The following ABTB3 variants were observed in gnomAD, a reference collection of about 807,000 sequenced individuals.
The protein encoded by ABTB3 is ankyrin repeat- and BTB/POZ domain-containing protein 3.
chr12:107,636,352 G>T, the ABTB3 span, among the ~76,000 whole-genome samples: 6 of 152,110 alleles, frequency 3.9e-5, no homozygotes, highest in Admixed American at 6.6e-5. Flanking sequence ...GCTACCTGGA[G>T]ATTTATCAGA....
chr12:107,553,157 C>T, the ABTB3 span, among the ~76,000 whole-genome samples: 1 of 152,188 alleles, frequency 6.6e-6, no homozygotes, highest in African/African-American at 2.4e-5. Context: ...TGATCATTGA[C>T]ACCATGGTGG....
chr12:107,546,936 G>A, the ABTB3 span, among the ~76,000 whole-genome samples: 4 of 152,090 alleles, frequency 2.6e-5, no homozygotes, highest in African/African-American at 4.8e-5. Context: ...GCTCACACTT[G>A]TAATCCCAGC....
At chr12:107,556,002 C>T in the ABTB3 span, among the ~76,000 whole-genome samples, 8 of 152,290 alleles carry the variant, frequency 5.3e-5, 1 homozygote, top group Admixed American at 5.2e-4. Context: ...ATCACCATCT[C>T]ATTTTGCCAG....
At chr12:107,477,417 C>T in the ABTB3 span, among the ~76,000 whole-genome samples, 2 of 152,156 alleles carry the variant, frequency 1.3e-5, no homozygotes, top group African/African-American at 4.8e-5. Context: ...CTAAGACTTG[C>T]CCCTGCCAGA....
the ABTB3 span, among the ~76,000 whole-genome samples, chr12:107,640,873 A>G: frequency 2.0e-5 from 3 of 152,230 alleles, no homozygotes; most frequent in African/African-American, 7.2e-5. Context: ...CAGCTCTGCA[A>G]CTGCCCTTTC....
chr12:107,487,717 T>C, the ABTB3 span, among the ~76,000 whole-genome samples: 1 of 152,134 alleles, frequency 6.6e-6, no homozygotes, highest in African/African-American at 2.4e-5. Flanking sequence ...ACCCCAACTA[T>C]ATTTTTGCAC....
At chr12:107,488,369 G>A in the ABTB3 span, among the ~76,000 whole-genome samples, 3 of 152,056 alleles carry the variant, frequency 2.0e-5, no homozygotes, top group Non-Finnish European at 2.9e-5. Flanking sequence ...TTATATCTCA[G>A]TAAAGTTGCT....
At chr12:107,648,058 G>A in the ABTB3 span, among the ~76,000 whole-genome samples, 5 of 152,128 alleles carry the variant, frequency 3.3e-5, no homozygotes, top group African/African-American at 1.2e-4. Context: ...AGCCAGGGAG[G>A]TAAAGTGAGT....
the ABTB3 span, among the ~76,000 whole-genome samples, chr12:107,351,634 G>A: frequency 6.6e-6 from 1 of 152,258 alleles, no homozygotes; most frequent in Non-Finnish European, 1.5e-5. Context: ...GGTTGAGTTT[G>A]GCCCCTTCTC....
chr12:107,346,971 G>A, the ABTB3 span, among the ~76,000 whole-genome samples: 2 of 152,174 alleles, frequency 1.3e-5, no homozygotes, highest in Non-Finnish European at 2.9e-5. Flanking sequence ...TGTTTTTACA[G>A]TGACTGTTAT....
chr12:107,635,429 G>A, the ABTB3 span: 3 of 1,583,046 alleles, frequency 1.9e-6, no homozygotes, highest in Non-Finnish European at 2.6e-6. Context: ...CTGCTGCTTT[G>A]TGATTTAAGG....
At chr12:107,390,894 T>C in the ABTB3 span, among the ~76,000 whole-genome samples, 1 of 152,244 alleles carries the variant, frequency 6.6e-6, no homozygotes, top group Non-Finnish European at 1.5e-5. Flanking sequence ...CTCATGCCTG[T>C]AATCTCAGCA....
At chr12:107,651,113 G>A in the ABTB3 span, among the ~76,000 whole-genome samples, 36 of 150,858 alleles carry the variant, frequency 2.4e-4, no homozygotes, top group East Asian at 1.6e-3. Context: ...GAGCATCTCC[G>A]AGGCCGGCAC....
At chr12:107,485,456 C>G in the ABTB3 span, among the ~76,000 whole-genome samples, 1 of 152,130 alleles carries the variant, frequency 6.6e-6, no homozygotes. Context: ...ATTCCTTCTT[C>G]TTCTGACTCT....
chr12:107,426,408 A>C, the ABTB3 span, among the ~76,000 whole-genome samples: 1 of 152,086 alleles, frequency 6.6e-6, no homozygotes, highest in African/African-American at 2.4e-5. Flanking sequence ...GAATCTGTGC[A>C]TGGATGGTTC....
the ABTB3 span, among the ~76,000 whole-genome samples, chr12:107,374,261 A>G: frequency 6.6e-6 from 1 of 152,104 alleles, no homozygotes; most frequent in Non-Finnish European, 1.5e-5. Context: ...TACTTCCTAC[A>G]TCTTACAGCC....
At chr12:107,347,630 G>C in the ABTB3 span, among the ~76,000 whole-genome samples, 67,846 of 151,896 alleles carry the variant, frequency 0.45, 18,379 homozygotes, top group African/African-American at 0.78. Flanking sequence ...TTACATGATG[G>C]CTGGCTTCCA....
At chr12:107,320,902 TTCC>T in the ABTB3 span, among the ~76,000 whole-genome samples, 1 of 152,084 alleles carries the variant, frequency 6.6e-6, no homozygotes, top group Admixed American at 6.5e-5. Flanking sequence ...AGGGCGTCGT[TTCC>T]AGCAGGTTCT....
the ABTB3 span, among the ~76,000 whole-genome samples, chr12:107,605,942 T>C: frequency 6.6e-6 from 1 of 152,168 alleles, no homozygotes; most frequent in South Asian, 2.1e-4. Context: ...TGCTGTTTAC[T>C]GAGATGGGAT....
Sources: gnomAD v4.1 joint callset for allele counts (sites outside exome capture counted in the v4.1 genomes callset) on GRCh38, gnomAD v4.1.1 for gene constraint, MANE v1.5 for transcripts, NCBI Gene and HGNC (gene_info 2026-07-23, HGNC 2026-07-21) for gene names.